Variants in DLG2 observed in about 807,000 individuals in gnomAD.
The protein encoded by DLG2 is disks large homolog 2.
DLG2 carries 45 observed loss-of-function variants against 132.5 expected under a neutral mutation model. The ratio of observed to expected loss-of-function variants is 0.34; its 90% CI spans 0.27 to 0.44. The LOEUF (loss-of-function observed/expected upper bound fraction) is 0.44. Ranked by LOEUF, DLG2 falls within the 20% of genes least tolerant of loss-of-function variation. The probability of loss-of-function intolerance (pLI) is 1.00; values close to 1 mark genes in which losing one functional copy is unlikely to be tolerated. For synonymous variants in DLG2, 424 were observed against 419.6 expected (o/e 1.01, Z -0.13); for missense variants, 1,045 against 1,196.9 (o/e 0.87, Z 1.87).
intron 11 of DLG2, among the ~76,000 whole-genome samples, chr11:83,986,201 C>G: frequency 7.4e-6 from 1 of 134,546 alleles, no homozygotes; most frequent in African/African-American, 2.7e-5. Flanking sequence ...TAAAGCTATC[C>G]CTCCCCCCTC....
intron 7 of DLG2, among the ~76,000 whole-genome samples, chr11:84,417,645 C>A (rs767014787): frequency 6.6e-5 from 10 of 152,152 alleles, no homozygotes; most frequent in Admixed American, 6.5e-5. Flanking sequence ...ATCTTCTCTG[C>A]CCACCTTGCC....
At chr11:84,275,492 C>A (rs1272671805) in intron 7 of DLG2, among the ~76,000 whole-genome samples, 1 of 152,108 alleles carries the variant, frequency 6.6e-6, no homozygotes, top group Admixed American at 6.6e-5. Flanking sequence ...GTAGCTGGGA[C>A]TACAGGCACC....
intron 3 of DLG2, among the ~76,000 whole-genome samples, chr11:85,351,008 C>T (rs2083248505): frequency 6.6e-6 from 1 of 152,124 alleles, no homozygotes; most frequent in Non-Finnish European, 1.5e-5. Context: ...GCAGTATGGC[C>T]ATTTGCATGA....
At chr11:85,109,104 C>G (rs186273165) in intron 6 of DLG2, among the ~76,000 whole-genome samples, 1 of 152,192 alleles carries the variant, frequency 6.6e-6, no homozygotes, top group Admixed American at 6.5e-5. Flanking sequence ...ATGTCTTCCT[C>G]CTGGATCAGT....
chr11:84,080,223 T>C (rs777001183), intron 10 of DLG2, among the ~76,000 whole-genome samples: 2 of 152,190 alleles, frequency 1.3e-5, no homozygotes, highest in Non-Finnish European at 2.9e-5. Context: ...TAAAATAAAA[T>C]ATTCTGTGTC....
intron 3 of DLG2, among the ~76,000 whole-genome samples, chr11:85,591,479 G>A (rs775725309): frequency 5.9e-5 from 9 of 152,114 alleles, no homozygotes; most frequent in Admixed American, 2.0e-4. Flanking sequence ...GGTGGCTCAC[G>A]CCTGTAATCC....
Position 84,542,128 on chromosome 11 carries a change from T to TGAGAGAGA in DLG2, c.358-7405_358-7398dup, listed in dbSNP as rs59128357. Among the ~76,000 whole-genome samples the TGAGAGAGA allele has an allele frequency of 4.5e-3, 658 of 147,028 alleles. 2 individuals carry two copies. Among genetic ancestry groups the TGAGAGAGA allele is most frequent in the East Asian group, 0.012 (61 of 4,958 alleles). ...GTAGCAGGAGTTGGCACAGTACTGA[T>TGAGAGAGA]GAGAGAGAGAGAGAGAGAGAGAGAA... is the stretch of plus-strand genomic sequence containing the variant. On this transcript the variant is annotated intron_variant, in intron 6 of 27. Transcript: ENST00000376104.
intron 18 of DLG2, among the ~76,000 whole-genome samples, chr11:83,683,893 C>T (rs924355203): frequency 6.6e-6 from 1 of 152,042 alleles, no homozygotes; most frequent in African/African-American, 2.4e-5. Context: ...GAATGAAGGG[C>T]CCAGGGCTCT....
chr11:85,350,815 T>C (rs1412792472), intron 3 of DLG2, among the ~76,000 whole-genome samples: 1 of 151,246 alleles, frequency 6.6e-6, no homozygotes, highest in Non-Finnish European at 1.5e-5. Flanking sequence ...ACTATAGCCT[T>C]GTAGTATAGT....
chr11:84,003,944 G>A (rs1446693305), intron 11 of DLG2, among the ~76,000 whole-genome samples: 1 of 151,976 alleles, frequency 6.6e-6, no homozygotes, highest in Non-Finnish European at 1.5e-5. Context: ...GTCTGAAATA[G>A]TAATAAAAAG....
intron 3 of DLG2, among the ~76,000 whole-genome samples, chr11:85,311,866 G>C (rs893266571): frequency 6.6e-6 from 1 of 151,892 alleles, no homozygotes; most frequent in African/African-American, 2.4e-5. Context: ...CGCCACCCTA[G>C]TCACACTCCT....
At chr11:84,774,907 C>A (rs551234258) in intron 6 of DLG2, among the ~76,000 whole-genome samples, 28 of 152,012 alleles carry the variant, frequency 1.8e-4, no homozygotes, top group African/African-American at 6.8e-4. Flanking sequence ...TCAAAAGCAA[C>A]CGCAATAAAA....
At chr11:84,538,626 C>T (rs75798814) in intron 6 of DLG2, among the ~76,000 whole-genome samples, 1 of 151,874 alleles carries the variant, frequency 6.6e-6, no homozygotes, top group African/African-American at 2.4e-5. Context: ...AACTGCCCTC[C>T]ATAAATCATG....
At chr11:85,332,279 T>C (rs1436557556) in intron 3 of DLG2, among the ~76,000 whole-genome samples, 2 of 152,204 alleles carry the variant, frequency 1.3e-5, no homozygotes, top group African/African-American at 4.8e-5. Flanking sequence ...AAGAAGTATC[T>C]GTTGATGTTC....
intron 7 of DLG2, among the ~76,000 whole-genome samples, chr11:84,286,859 G>A (rs137862578): frequency 7.2e-5 from 11 of 152,178 alleles, no homozygotes; most frequent in African/African-American, 1.2e-4. Context: ...TGGGGTTGAC[G>A]CCTAAGCTTT....
chr11:85,504,843 G>A (rs569655380), intron 3 of DLG2, among the ~76,000 whole-genome samples: 2 of 152,212 alleles, frequency 1.3e-5, no homozygotes, highest in African/African-American at 4.8e-5. Flanking sequence ...TCCTATCCAT[G>A]AGCATGGAAT....
At chr11:84,898,121 T>C (rs1230593221) in intron 6 of DLG2, among the ~76,000 whole-genome samples, 9 of 151,948 alleles carry the variant, frequency 5.9e-5, no homozygotes, top group East Asian at 5.8e-4. Context: ...AATGGTCACT[T>C]TATATAATTA....
intron 3 of DLG2, among the ~76,000 whole-genome samples, chr11:85,348,647 A>T (rs1338160254): frequency 2.0e-5 from 3 of 152,122 alleles, no homozygotes; most frequent in African/African-American, 7.2e-5. Context: ...TTACCCCAAA[A>T]TAGCAACCTA....
At chr11:84,043,694 C>CT (rs568133330) in intron 11 of DLG2, among the ~76,000 whole-genome samples, 2 of 151,810 alleles carry the variant, frequency 1.3e-5, no homozygotes, top group Admixed American at 6.6e-5. Context: ...TTTCTCTCTT[C>CT]TTTTTTTAAT....
Sources: gnomAD v4.1 joint callset for allele counts (sites outside exome capture counted in the v4.1 genomes callset) on GRCh38, gnomAD v4.1.1 for gene constraint, MANE v1.5 for transcripts, NCBI Gene and HGNC (gene_info 2026-07-23, HGNC 2026-07-21) for gene names.